Variants in LY86 observed in about 807,000 individuals in gnomAD.
LY86 encodes the protein MD-1, RP105-associated.
In LY86, 20 loss-of-function variants were observed where a neutral mutation model predicts 17.3. The ratio of observed to expected loss-of-function variants is 1.15; its 90% CI spans 0.81 to 1.68. The LOEUF (loss-of-function observed/expected upper bound fraction) is 1.68. Ranked by LOEUF, LY86 falls within the 40% of genes most tolerant of loss-of-function variation. The pLI, the probability that LY86 is intolerant of heterozygous loss-of-function variation, is 0.00. For synonymous variants in LY86, 74 were observed against 70.6 expected (o/e 1.05, Z -0.24); for missense variants, 200 against 191.9 (o/e 1.04, Z -0.25).
At chr6:6,654,459 C>T in intron 4 of LY86, 85 bp from the exon 5 acceptor site, 3 of 1,021,308 alleles carry the variant, frequency 2.9e-6, no homozygotes, top group East Asian at 5.0e-5. Flanking sequence ...GCACCCAGCA[C>T]ATAAAAGTTT....
intron 3 of LY86, among the ~76,000 whole-genome samples, chr6:6,633,197 A>G (rs953025737): frequency 1.3e-5 from 2 of 152,184 alleles, no homozygotes; most frequent in Non-Finnish European, 1.5e-5. Context: ...CACAAGCTCT[A>G]CCCAATTAAA....
Position 6,602,330 on chromosome 6 carries a change from A to G in LY86, c.136+13460A>G, listed in dbSNP as rs1407251610. Among the ~76,000 whole-genome samples the G allele has an allele frequency of 2.0e-5, 3 of 152,204 alleles. 1 individual carries two copies. Among genetic ancestry groups the G allele is most frequent in the African/African-American group, 7.2e-5 (3 of 41,436 alleles). On this transcript the variant is annotated intron_variant, in intron 1 of 4. Transcript: ENST00000230568. ...CTAGATTTGATAACTAGCAGACCCA[A>G]ATCTATTAAAAATTATTCTCGATAC...
chr6:6,604,590 T>C (rs1481817669), intron 1 of LY86, among the ~76,000 whole-genome samples: 1 of 150,098 alleles, frequency 6.7e-6, no homozygotes, highest in Non-Finnish European at 1.5e-5. Flanking sequence ...TAGAAGAAAA[T>C]AGGGGAAAAG....
rs138587774 is a variant in LY86, at chr6:6,606,966, C to T, written c.137-17960C>T. The stretch of plus-strand genomic sequence containing the variant: ...TGAGAGCGAGTGAGGGCTGTGAGGG[C>T]TGCCAGCATGCTGTCACCTCTCACT... On this transcript the variant is annotated intron_variant, in intron 1 of 4. Coordinates refer to ENST00000230568, the MANE Select transcript of LY86 (RefSeq NM_004271.4). Among the ~76,000 whole-genome samples the T allele has an allele frequency of 8.1e-3, 1,237 of 152,394 alleles. 14 individuals are homozygous for T. The highest frequency in any genetic ancestry group is 0.048 in the East Asian group (251 of 5,182).
chr6:6,598,634 C>G (rs1760792806), intron 1 of LY86, among the ~76,000 whole-genome samples: 1 of 152,202 alleles, frequency 6.6e-6, no homozygotes, highest in African/African-American at 2.4e-5. Context: ...TACCCTGCTG[C>G]TTTTTTTCTC....
chr6:6,590,298 T>C, intron 1 of LY86, among the ~76,000 whole-genome samples: 1 of 152,114 alleles, frequency 6.6e-6, no homozygotes, highest in East Asian at 1.9e-4. Context: ...ATGAGACAGC[T>C]ACTAAGTGAC....
intron 1 of LY86, among the ~76,000 whole-genome samples, chr6:6,593,639 ACT>A (rs990645558): frequency 3.3e-5 from 5 of 152,198 alleles, no homozygotes; most frequent in Non-Finnish European, 7.3e-5. Flanking sequence ...GGTATAATAG[ACT>A]CTGAGCTTCC....
At chr6:6,649,516 T>G in intron 3 of LY86, 109 bp from the exon 4 acceptor site, 3 of 676,186 alleles carry the variant, frequency 4.4e-6, no homozygotes, top group Non-Finnish European at 5.1e-6. Flanking sequence ...TAGCTGCTCT[T>G]ATTTTGGTGC....
chr6:6,654,491 G>T (rs1762231464), intron 4 of LY86, 53 bp from the exon 5 acceptor site: 13 of 1,312,814 alleles, frequency 9.9e-6, no homozygotes, highest in East Asian at 9.2e-5. Context: ...TTTGTTAAAT[G>T]GTTAATTGTA....
At chr6:6,606,867 G>T (rs1470406021) in intron 1 of LY86, among the ~76,000 whole-genome samples, 1 of 152,260 alleles carries the variant, frequency 6.6e-6, no homozygotes, top group Non-Finnish European at 1.5e-5. Context: ...CCAGAAAGGG[G>T]CTCCCACAGT....
chr6:6,623,094 G>A (rs989261086), intron 1 of LY86, among the ~76,000 whole-genome samples: 3 of 152,238 alleles, frequency 2.0e-5, no homozygotes, highest in African/African-American at 7.2e-5. Flanking sequence ...TCTGGGTGCT[G>A]TCAGGAAAAC....
chr6:6,588,729 C>T lies in LY86; in HGVS notation c.-6C>T, dbSNP rs1760427930. 4.3e-6 allele frequency: 7 copies of T among 1,613,926 alleles called. No individual in the cohort carries two copies. In the African/African-American group the frequency reaches 6.7e-5, roughly 15 times the overall value. On this transcript the variant is annotated 5_prime_UTR_variant, in exon 1 of 5. Coordinates refer to ENST00000230568, the MANE Select transcript of LY86 (RefSeq NM_004271.4). ...TTTTTCTGTGTGTCCCATACAGGCC[C>T]CCACCATGAAGGGTTTCACAGCCAC...
intron 1 of LY86, among the ~76,000 whole-genome samples, chr6:6,611,768 C>T (rs564367555): frequency 6.6e-6 from 1 of 151,688 alleles, no homozygotes; most frequent in Non-Finnish European, 1.5e-5. Context: ...ACATCTAGCA[C>T]AGTGCCTATC....
intron 1 of LY86, among the ~76,000 whole-genome samples, chr6:6,613,226 G>C (rs538691935): frequency 2.1e-5 from 3 of 145,030 alleles, no homozygotes; most frequent in East Asian, 2.2e-4. Context: ...CAGTGGATCC[G>C]GCACTAGGGC....
intron 1 of LY86, among the ~76,000 whole-genome samples, chr6:6,598,655 C>T (rs762873958): frequency 4.6e-5 from 7 of 152,276 alleles, no homozygotes; most frequent in Non-Finnish European, 7.4e-5. Flanking sequence ...AAGTGATGTG[C>T]TCTTTAAGTT....
rs555736412 is a variant in LY86, at chr6:6,592,923, C to T, written c.136+4053C>T. On this transcript the variant is annotated intron_variant, in intron 1 of 4. Coordinates refer to ENST00000230568, the MANE Select transcript of LY86 (RefSeq NM_004271.4). ...ATCATAAAGGCAGGAGAGGTTAGGA[C>T]ACATGTAACAGATAGAGCAGCATGA... Among the ~76,000 whole-genome samples, 12 of 152,300 alleles carry T rather than the reference C, an allele frequency of 7.9e-5. No homozygotes were observed. The East Asian group carries it at 2.3e-3, about 29-fold the overall frequency.
At chr6:6,620,458 G>A (rs776700991) in intron 1 of LY86, among the ~76,000 whole-genome samples, 1 of 152,214 alleles carries the variant, frequency 6.6e-6, no homozygotes, top group East Asian at 1.9e-4. Flanking sequence ...CACAGGGGGC[G>A]GAGCTACATC....
intron 3 of LY86, among the ~76,000 whole-genome samples, chr6:6,643,361 T>C (rs2113159223): frequency 6.6e-6 from 1 of 152,360 alleles, no homozygotes; most frequent in Middle Eastern, 3.4e-3. Flanking sequence ...TTCTGCCATT[T>C]GCAACAACGT....
chr6:6,613,086 G>A (rs1761431672), intron 1 of LY86, among the ~76,000 whole-genome samples: 1 of 152,242 alleles, frequency 6.6e-6, no homozygotes, highest in African/African-American at 2.4e-5. Context: ...GCCAGATACA[G>A]AGTGTGGATT....
Sources: gnomAD v4.1 joint callset for allele counts (sites outside exome capture counted in the v4.1 genomes callset) on GRCh38, gnomAD v4.1.1 for gene constraint, MANE v1.5 for transcripts, NCBI Gene and HGNC (gene_info 2026-07-23, HGNC 2026-07-21) for gene names.